The following THSD4 variants were observed in gnomAD, a reference collection of about 807,000 sequenced individuals.
The protein encoded by THSD4 is thrombospondin type 1 domain containing 4.
A neutral mutation model predicts 119.0 loss-of-function variants in THSD4; 69 were observed. The observed-to-expected ratio is 0.58, with a 90% CI of 0.48 to 0.71. THSD4 has a LOEUF of 0.71. Among genes scored for constraint, THSD4 ranks in the 30% least tolerant of loss-of-function variants. The pLI is 0.00. For missense variants in THSD4, 1,393 were observed against 1,391.1 expected (o/e 1.00, Z -0.02); for synonymous variants, 524 against 540.4 (o/e 0.97, Z 0.42).
At chr15:71,248,234 T>A (rs1194988285) in intron 5 of THSD4, among the ~76,000 whole-genome samples, 1 of 152,138 alleles carries the variant, frequency 6.6e-6, no homozygotes, top group Non-Finnish European at 1.5e-5. Context: ...TGAACTATGA[T>A]CACACCACTG....
chr15:71,492,345 A>G (rs925671727), intron 7 of THSD4, among the ~76,000 whole-genome samples: 2 of 151,622 alleles, frequency 1.3e-5, no homozygotes, highest in African/African-American at 4.9e-5. Flanking sequence ...GCTCACTGCA[A>G]CTTTTGCCTT....
At chr15:71,420,129 T>G (rs1161262843) in intron 7 of THSD4, among the ~76,000 whole-genome samples, 2 of 108,564 alleles carry the variant, frequency 1.8e-5, no homozygotes, top group Non-Finnish European at 4.1e-5. Context: ...TTAGTTTTAG[T>G]ACTATTTGCT....
chr15:71,482,661 C>T (rs916944163), intron 7 of THSD4, among the ~76,000 whole-genome samples: 8 of 151,808 alleles, frequency 5.3e-5, no homozygotes, highest in African/African-American at 1.9e-4. Context: ...TCTTGGCTCA[C>T]TGCAACCTCC....
chr15:71,588,570 T>A (rs2049734981), intron 7 of THSD4, among the ~76,000 whole-genome samples: 1 of 152,038 alleles, frequency 6.6e-6, no homozygotes, highest in Admixed American at 6.5e-5. Flanking sequence ...ACTACAGGCA[T>A]GTGCCACCAC....
At chr15:71,489,751 C>T (rs2047884464) in intron 7 of THSD4, among the ~76,000 whole-genome samples, 2 of 152,122 alleles carry the variant, frequency 1.3e-5, no homozygotes, top group African/African-American at 4.8e-5. Flanking sequence ...TGGGTTATTT[C>T]CACATGAAAG....
intron 7 of THSD4, among the ~76,000 whole-genome samples, chr15:71,556,604 T>C (rs946026319): frequency 3.3e-5 from 5 of 151,470 alleles, no homozygotes; most frequent in Admixed American, 6.6e-5. Flanking sequence ...AATTGAAAAA[T>C]AGAAAAAATG....
intron 6 of THSD4, among the ~76,000 whole-genome samples, chr15:71,380,706 T>A (rs2046217393): frequency 6.6e-6 from 1 of 152,046 alleles, no homozygotes; most frequent in Non-Finnish European, 1.5e-5. Context: ...CAAAATAGTC[T>A]GACTCAAAGA....
intron 2 of THSD4, among the ~76,000 whole-genome samples, chr15:71,145,337 A>G (rs2040646886): frequency 6.6e-6 from 1 of 152,230 alleles, no homozygotes; most frequent in African/African-American, 2.4e-5. Flanking sequence ...TTGAAGAATT[A>G]CAGATGTAAT....
intron 6 of THSD4, among the ~76,000 whole-genome samples, chr15:71,288,137 C>T (rs958563597): frequency 7.2e-5 from 11 of 152,096 alleles, no homozygotes; most frequent in African/African-American, 2.2e-4. Context: ...CCCACACAAC[C>T]GTTTGCTTGG....
intron 6 of THSD4, among the ~76,000 whole-genome samples, chr15:71,313,487 TGAGG>T (rs1482701246): frequency 6.6e-6 from 1 of 152,174 alleles, no homozygotes; most frequent in Non-Finnish European, 1.5e-5. Flanking sequence ...TGGAGCTTGC[TGAGG>T]GAGGGTCGGG....
chr15:71,285,640 G>A (rs1365705993), intron 6 of THSD4, among the ~76,000 whole-genome samples: 3 of 152,098 alleles, frequency 2.0e-5, no homozygotes, highest in South Asian at 2.1e-4. Flanking sequence ...TGGATCACTA[G>A]GTCAGGAGAT....
chr15:71,777,138 G>A, intron 17 of THSD4, 94 bp from the exon 18 acceptor site: 1 of 1,431,654 alleles, frequency 7.0e-7, no homozygotes, highest in Non-Finnish European at 9.8e-7. Context: ...AGCAGCGCAG[G>A]AGTTAAAGCC....
At chr15:71,165,938 G>A (rs1034928210) in intron 3 of THSD4, among the ~76,000 whole-genome samples, 4 of 152,162 alleles carry the variant, frequency 2.6e-5, no homozygotes, top group Admixed American at 1.3e-4. Context: ...AAGGGTGTGT[G>A]TGGGGTGCCT....
At chr15:71,513,447 G>A (rs1389084859) in intron 7 of THSD4, among the ~76,000 whole-genome samples, 2 of 152,170 alleles carry the variant, frequency 1.3e-5, no homozygotes, top group African/African-American at 4.8e-5. Flanking sequence ...TGGGCAAAAG[G>A]CTTAAATTGA....
intron 6 of THSD4, among the ~76,000 whole-genome samples, chr15:71,269,367 G>C (rs1206271236): frequency 6.6e-6 from 1 of 152,134 alleles, no homozygotes; most frequent in African/African-American, 2.4e-5. Flanking sequence ...TATCTCAACA[G>C]ATGCAGAAAA....
chr15:71,613,712 C>G (rs1330735138), intron 7 of THSD4, among the ~76,000 whole-genome samples: 1 of 152,184 alleles, frequency 6.6e-6, no homozygotes, highest in African/African-American at 2.4e-5. Flanking sequence ...TGTGCACACA[C>G]AGGATCATAT....
chr15:71,490,059 C>T (rs1482071233), intron 7 of THSD4, among the ~76,000 whole-genome samples: 1 of 152,068 alleles, frequency 6.6e-6, no homozygotes, highest in African/African-American at 2.4e-5. Context: ...TCCCATTTCA[C>T]TAAAAAAGTT....
At chr15:71,208,488 C>G (rs1016532562) in intron 3 of THSD4, among the ~76,000 whole-genome samples, 2 of 146,800 alleles carry the variant, frequency 1.4e-5, no homozygotes, top group African/African-American at 5.0e-5. Context: ...GTTTCTTTTT[C>G]TTTTTTTCTC....
intron 6 of THSD4, among the ~76,000 whole-genome samples, chr15:71,410,442 C>T (rs993847169): frequency 2.0e-5 from 3 of 152,052 alleles, no homozygotes; most frequent in Non-Finnish European, 4.4e-5. Flanking sequence ...CAAATGCAGG[C>T]CAGCCAAGTG....
Sources: gnomAD v4.1 joint callset for allele counts (sites outside exome capture counted in the v4.1 genomes callset) on GRCh38, gnomAD v4.1.1 for gene constraint, MANE v1.5 for transcripts, NCBI Gene and HGNC (gene_info 2026-07-23, HGNC 2026-07-21) for gene names.